The following PARD3B variants were observed in gnomAD, a reference collection of about 807,000 sequenced individuals.
PARD3B encodes the protein par-3 family cell polarity regulator beta, also known as partitioning defective 3 homolog B.
In PARD3B, 103 loss-of-function variants were observed where a neutral mutation model predicts 130.2. The ratio of observed to expected loss-of-function variants is 0.79; its 90% confidence interval spans 0.67 to 0.93. The LOEUF (loss-of-function observed/expected upper bound fraction) is 0.93. PARD3B is among the 40% of genes least tolerant of loss of function. The pLI, the probability that PARD3B is intolerant of heterozygous loss-of-function variation, is 0.00. For missense variants in PARD3B, 1,609 were observed against 1,499.2 expected, an observed-to-expected ratio of 1.07 and a Z score of -1.21; for synonymous variants, 583 against 553.2, an observed-to-expected ratio of 1.05 and a Z score of -0.76.
intron 1 of PARD3B, among the ~76,000 whole-genome samples, chr2:204,646,295 G>A (rs2035271164): frequency 6.6e-6 from 1 of 152,000 alleles, no homozygotes; most frequent in Non-Finnish European, 1.5e-5. Flanking sequence ...CCTGAATGTT[G>A]TGATTATTAT....
intron 22 of PARD3B, among the ~76,000 whole-genome samples, chr2:205,583,336 A>G (rs979884419): frequency 2.0e-5 from 3 of 152,034 alleles, no homozygotes; most frequent in Non-Finnish European, 4.4e-5. Context: ...AACGCTGGAA[A>G]TCATATGCAA....
At chr2:205,402,656 C>T (rs2046291852) in intron 19 of PARD3B, among the ~76,000 whole-genome samples, 1 of 152,076 alleles carries the variant, frequency 6.6e-6, no homozygotes, top group Non-Finnish European at 1.5e-5. Flanking sequence ...TAGGCAGGTG[C>T]CTGAGGGAGC....
chr2:204,554,920 A>G (rs1280347209), intron 1 of PARD3B, among the ~76,000 whole-genome samples: 1 of 152,236 alleles, frequency 6.6e-6, no homozygotes, highest in African/African-American at 2.4e-5. Flanking sequence ...GGCTACCATC[A>G]TTCCCTTATC....
At chr2:204,998,494 A>G (rs867781845) in intron 3 of PARD3B, among the ~76,000 whole-genome samples, 2 of 112,214 alleles carry the variant, frequency 1.8e-5, no homozygotes, top group Non-Finnish European at 3.7e-5. Context: ...TAATATATGT[A>G]TATATATGTG....
chr2:205,294,349 A>C (rs1341804185), intron 16 of PARD3B, among the ~76,000 whole-genome samples: 1 of 152,188 alleles, frequency 6.6e-6, no homozygotes, highest in Non-Finnish European at 1.5e-5. Context: ...AGAAAAAAGA[A>C]AAACAAAAAT....
chr2:205,603,295 G>T (rs114248520), intron 22 of PARD3B, among the ~76,000 whole-genome samples: 304 of 152,290 alleles, frequency 2.0e-3, no homozygotes, highest in African/African-American at 7.1e-3. Context: ...TAGAGTAAGT[G>T]CCATGTGTCA....
chr2:204,894,490 C>T (rs978163632), intron 2 of PARD3B, among the ~76,000 whole-genome samples: 2 of 151,344 alleles, frequency 1.3e-5, no homozygotes, highest in East Asian at 3.9e-4. Flanking sequence ...ACATCCATGC[C>T]CCAGCTTCCT....
rs74439308 is a variant in PARD3B at position 205,184,059 on chromosome 2, G to A, written c.1925-1705G>A. ...GAATTCTCTCTTATTCAGGAGAGAG[G>A]CAATCTTTTTTGTTCTATTCATGCC... On this transcript the variant is annotated intron_variant, in intron 13 of 22. Transcript: ENST00000406610. Among the ~76,000 whole-genome samples, 1,007 of 152,196 alleles carry A rather than the reference G, an allele frequency of 6.6e-3. 10 individuals are homozygous for A. Among genetic ancestry groups the A allele is most frequent in the African/African-American group, 0.022 (933 of 41,532 alleles).
In PARD3B at chr2:205,617,165, A is replaced by G. The variant is rs1323306365; in HGVS notation, c.*1352A>G. The G allele has an allele frequency of 1.3e-5, 2 of 154,366 alleles. No homozygotes were observed. The highest frequency in any genetic ancestry group is 4.8e-5 in the African/African-American group (2 of 41,532). The allele number at this position is 154,366 out of a possible 1,614,324, so 9.6% of individuals were successfully genotyped here. On this transcript the variant is annotated 3_prime_UTR_variant, in exon 23 of 23. Coordinates refer to ENST00000406610, the MANE Select transcript of PARD3B (RefSeq NM_001302769.2). ...AACCCCAACCTCTAAGTAGATCACAATGTTTTCTGAGCTTTGCAGTAATTT... is the reference window on the plus strand; with the variant it reads ...AACCCCAACCTCTAAGTAGATCACAGTGTTTTCTGAGCTTTGCAGTAATTT...
chr2:205,394,630 T>C (rs897845157), intron 18 of PARD3B, among the ~76,000 whole-genome samples: 2 of 152,212 alleles, frequency 1.3e-5, no homozygotes, highest in African/African-American at 2.4e-5. Flanking sequence ...AATATGGTTG[T>C]GTAACTGCAA....
At chr2:205,284,168 A>C (rs2041298315) in intron 16 of PARD3B, among the ~76,000 whole-genome samples, 1 of 152,260 alleles carries the variant, frequency 6.6e-6, no homozygotes, top group African/African-American at 2.4e-5. Flanking sequence ...TTATTTCACC[A>C]AGCTTCCCTT....
chr2:205,101,989 G>T (rs1172723480), intron 4 of PARD3B, among the ~76,000 whole-genome samples: 2 of 152,126 alleles, frequency 1.3e-5, no homozygotes, highest in Non-Finnish European at 2.9e-5. Context: ...CCACTTAATT[G>T]TACTCTTTAA....
intron 4 of PARD3B, among the ~76,000 whole-genome samples, chr2:205,069,722 A>G (rs1700608010): frequency 6.6e-6 from 1 of 152,148 alleles, no homozygotes; most frequent in Admixed American, 6.5e-5. Context: ...CACCCTAAGT[A>G]GAAGAAGCCG....
intron 20 of PARD3B, among the ~76,000 whole-genome samples, chr2:205,484,197 T>G (rs2049351188): frequency 6.6e-6 from 1 of 152,338 alleles, no homozygotes; most frequent in East Asian, 1.9e-4. Context: ...AGCATAACTT[T>G]TTGCTTTCAG....
chr2:204,716,811 A>G (rs1244882541), intron 2 of PARD3B, among the ~76,000 whole-genome samples: 1 of 151,836 alleles, frequency 6.6e-6, no homozygotes, highest in Non-Finnish European at 1.5e-5. Flanking sequence ...TTTAGTAGAG[A>G]TGGGGTTTCA....
rs370661368 is a variant in PARD3B at position 205,553,398 on chromosome 2, A to G, written c.3255A>G (p.Leu1085=). Residue 1085 remains leucine, a synonymous_variant, in exon 22 of 23, where the codon TTA becomes TTG. Coordinates refer to ENST00000406610, the MANE Select transcript of PARD3B (RefSeq NM_001302769.2). ...GGATGGAGAGGCAGTACGCATCCTTACCCAGGTAGATCACGGAGAGGTCTC... is the reference window on the plus strand; with the variant it reads ...GGATGGAGAGGCAGTACGCATCCTTGCCCAGGTAGATCACGGAGAGGTCTC... ...FEGMERQYAS[L]PRGGPADPVD... is the part of the protein sequence containing the mutation. 1.7e-5 allele frequency: 27 copies of G among 1,613,690 alleles called. No homozygotes were observed. The highest frequency in any genetic ancestry group is 1.3e-5 in the African/African-American group (1 of 74,914).
chr2:205,192,486 T>C (rs755123641), intron 14 of PARD3B, among the ~76,000 whole-genome samples: 5 of 152,282 alleles, frequency 3.3e-5, no homozygotes, highest in Admixed American at 6.5e-5. Context: ...AACTAAGTCA[T>C]TGTCTGTAAT....
At chr2:205,429,606 G>C (rs903808229) in intron 19 of PARD3B, among the ~76,000 whole-genome samples, 1 of 152,170 alleles carries the variant, frequency 6.6e-6, no homozygotes, top group African/African-American at 2.4e-5. Flanking sequence ...AGAAGACAGA[G>C]ATGAAAGCTA....
intron 1 of PARD3B, among the ~76,000 whole-genome samples, chr2:204,627,391 A>G (rs987056566): frequency 6.6e-6 from 1 of 152,192 alleles, no homozygotes; most frequent in Admixed American, 6.6e-5. Flanking sequence ...AATTTTCATA[A>G]CAATAGAATG....
Sources: gnomAD v4.1 joint callset for allele counts (sites outside exome capture counted in the v4.1 genomes callset) on GRCh38, gnomAD v4.1.1 for gene constraint, MANE v1.5 for transcripts, NCBI Gene and HGNC (gene_info 2026-07-23, HGNC 2026-07-21) for gene names.